RASGEF1C: variants seen among roughly 807,000 people sequenced by gnomAD.
RASGEF1C encodes the protein ras-GEF domain-containing family member 1C.
In RASGEF1C, 27 loss-of-function variants were observed where a neutral mutation model predicts 58.1. The ratio of observed to expected loss-of-function variants is 0.46; its 90% CI spans 0.34 to 0.64. The LOEUF is 0.64. Ranked by LOEUF, RASGEF1C falls within the 30% of genes least tolerant of loss-of-function variation. The pLI, the probability that RASGEF1C is intolerant of heterozygous loss-of-function variation, is 0.01. For synonymous variants in RASGEF1C, 243 were observed against 246.3 expected (o/e 0.99, Z 0.13); for missense variants, 502 against 605.1 (o/e 0.83, Z 1.79).
intron 1 of RASGEF1C, among the ~76,000 whole-genome samples, chr5:180,145,875 AT>A (rs1459096468): frequency 2.0e-5 from 3 of 152,008 alleles, no homozygotes. Flanking sequence ...TCTTTTACCC[AT>A]TTTTGAATTG....
intron 12 of RASGEF1C, among the ~76,000 whole-genome samples, chr5:180,103,119 C>T (rs1489517670): frequency 3.3e-5 from 5 of 152,156 alleles, no homozygotes; most frequent in Admixed American, 1.3e-4. Context: ...GCTCTGTCGC[C>T]CAGGCTGGAG....
At chr5:180,112,926 C>CGGGATGGACGGAGGGACCG (rs1262947540) in intron 11 of RASGEF1C, among the ~76,000 whole-genome samples, 4 of 50,138 alleles carry the variant, frequency 8.0e-5, no homozygotes, top group Non-Finnish European at 1.2e-4. Flanking sequence ...CAGAGGGATC[C>CGGGATGGACGGAGGGACCG]GGGATGGACG....
At chr5:180,206,229 A>C (rs35034138) in intron 1 of RASGEF1C, among the ~76,000 whole-genome samples, 5,154 of 152,316 alleles carry the variant, frequency 0.034, 103 homozygotes, top group African/African-American at 0.04. Context: ...TTTGGGACAG[A>C]GTGCCAGACA....
chr5:180,128,156 G>A (rs1222876277), intron 5 of RASGEF1C, among the ~76,000 whole-genome samples: 1 of 152,212 alleles, frequency 6.6e-6, no homozygotes, highest in African/African-American at 2.4e-5. Context: ...ACGGGAGCGC[G>A]CTGAAGAGTG....
At chr5:180,190,429 G>T (rs888235956) in intron 1 of RASGEF1C, among the ~76,000 whole-genome samples, 2 of 134,992 alleles carry the variant, frequency 1.5e-5, no homozygotes, top group Non-Finnish European at 3.3e-5. Context: ...GGCGGAGCTT[G>T]CAGTGAGCTG....
At chr5:180,113,249 G>A (rs1380569933) in intron 11 of RASGEF1C, among the ~76,000 whole-genome samples, 1 of 44,110 alleles carries the variant, frequency 2.3e-5, no homozygotes, top group African/African-American at 8.1e-5. Flanking sequence ...CGGAGGGACC[G>A]AGGATGGACG....
intron 1 of RASGEF1C, among the ~76,000 whole-genome samples, chr5:180,190,332 A>T (rs987524349): frequency 5.1e-4 from 77 of 151,628 alleles, no homozygotes; most frequent in Non-Finnish European, 8.1e-4. Context: ...CTAAAAACAA[A>T]ACAAAAAATT....
At chr5:180,151,121 T>C (rs1427583039) in intron 1 of RASGEF1C, among the ~76,000 whole-genome samples, 1 of 152,022 alleles carries the variant, frequency 6.6e-6, no homozygotes, top group Non-Finnish European at 1.5e-5. Context: ...GAATCAATAT[T>C]GTGAAAATGG....
intron 1 of RASGEF1C, among the ~76,000 whole-genome samples, chr5:180,186,560 G>A (rs889868351): frequency 6.6e-6 from 1 of 152,220 alleles, no homozygotes; most frequent in Admixed American, 6.5e-5. Flanking sequence ...ATACATTTGT[G>A]TTCATGGGTT....
chr5:180,190,383 G>C (rs916500485), intron 1 of RASGEF1C, among the ~76,000 whole-genome samples: 1 of 151,146 alleles, frequency 6.6e-6, no homozygotes, highest in African/African-American at 2.4e-5. Flanking sequence ...CCAGCTACTC[G>C]GGAGGCTGAG....
At chr5:180,117,006 G>A (rs992460601) in intron 10 of RASGEF1C, among the ~76,000 whole-genome samples, 2 of 152,222 alleles carry the variant, frequency 1.3e-5, no homozygotes, top group African/African-American at 4.8e-5. Context: ...CCATAGAGTC[G>A]TTGTCAGAAT....
intron 12 of RASGEF1C, among the ~76,000 whole-genome samples, chr5:180,103,177 A>G (rs536808370): frequency 1.3e-5 from 2 of 152,096 alleles, no homozygotes; most frequent in African/African-American, 4.8e-5. Context: ...TCCCGGGTTC[A>G]CACCATTCTC....
In RASGEF1C at chr5:180,158,169, TTGG is replaced by T. The variant is rs1192032301; in HGVS notation, c.-6-20114_-6-20112del. Among the ~76,000 whole-genome samples, 1 of 152,196 alleles carries T rather than the reference TTGG, an allele frequency of 6.6e-6. No individual in the cohort carries two copies. Among genetic ancestry groups the T allele is most frequent in the East Asian group, 1.9e-4 (1 of 5,190 alleles). ...AGATGGCTTGAAGGGAGTGGGGGTCTTGGTGATGATCATCTACTTCCTAGCTCA... is the reference window on the plus strand; with the variant it reads ...AGATGGCTTGAAGGGAGTGGGGGTCTTGATGATCATCTACTTCCTAGCTCA... On this transcript the variant is annotated intron_variant, in intron 1 of 13. Coordinates refer to ENST00000361132, the MANE Select transcript of RASGEF1C (RefSeq NM_175062.4). The surrounding 1 kb of genome is among the most constrained non-coding windows in gnomAD (Gnocchi z 4.0).
chr5:180,115,852 G>C (rs12657718), intron 10 of RASGEF1C, among the ~76,000 whole-genome samples: 34,128 of 151,540 alleles, frequency 0.23, 4,837 homozygotes, highest in East Asian at 0.47. Flanking sequence ...TCCTCACTGT[G>C]CCGGGATCAG....
Position 180,209,037 on chromosome 5 carries a change from G to C in RASGEF1C, c.-16C>G, listed in dbSNP as rs1756548716. ...GCCGCGCACCACTCACCGGCTCCCG[G>C]CGCGCCGGAACTCCGGGCCCGGCCC... On this transcript the variant is annotated 5_prime_UTR_variant, in exon 1 of 14. Transcript: ENST00000361132. 1 of 143,916 alleles carries C rather than the reference G, an allele frequency of 6.9e-6. No homozygotes were observed. The highest frequency in any genetic ancestry group is 2.5e-5 in the African/African-American group (1 of 39,470). 8.9% of individuals were successfully genotyped at this position (143,916 alleles called of 1,614,324 possible).
At chr5:180,122,752 A>G (rs1269132821) in intron 6 of RASGEF1C, among the ~76,000 whole-genome samples, 1 of 147,554 alleles carries the variant, frequency 6.8e-6, no homozygotes, top group African/African-American at 2.5e-5. Flanking sequence ...AAAAAAAAAA[A>G]AAAAACTAAA....
chr5:180,129,860 C>T (rs1766334051), intron 4 of RASGEF1C, among the ~76,000 whole-genome samples: 1 of 141,706 alleles, frequency 7.1e-6, no homozygotes, highest in Admixed American at 7.3e-5. Context: ...ACAAACCCAG[C>T]CAGTCTGATG....
intron 1 of RASGEF1C, among the ~76,000 whole-genome samples, chr5:180,205,561 C>T (rs1756472858): frequency 6.6e-6 from 1 of 152,116 alleles, no homozygotes; most frequent in East Asian, 1.9e-4. Flanking sequence ...GCCCGAACAG[C>T]AGCAACGTGC....
chr5:180,149,668 A>G (rs186427955), intron 1 of RASGEF1C, among the ~76,000 whole-genome samples: 86 of 151,766 alleles, frequency 5.7e-4, no homozygotes, highest in Middle Eastern at 6.9e-3. Context: ...GTTGGCCAGG[A>G]TGGTCTCCAT....
Sources: allele counts gnomAD v4.1 joint callset (sites outside exome capture counted in the v4.1 genomes callset), GRCh38; gene constraint gnomAD v4.1.1; non-coding constraint Gnocchi (gnomAD v3.1); transcripts MANE v1.5; gene names NCBI Gene and HGNC (gene_info 2026-07-23, HGNC 2026-07-21).